The following MEGF6 variants were observed in gnomAD, a reference collection of about 807,000 sequenced individuals.
MEGF6 encodes multiple EGF like domains 6, also known as multiple epidermal growth factor-like domains protein 6.
A neutral mutation model predicts 207.1 loss-of-function variants in MEGF6; 184 were observed. The observed-to-expected ratio is 0.89, with a 90% CI of 0.79 to 1.00. The LOEUF (loss-of-function observed/expected upper bound fraction) is 1.00. MEGF6 is among the 50% of genes least tolerant of loss of function. The probability of loss-of-function intolerance (pLI) is 0.00; values close to 1 mark genes in which losing one functional copy is unlikely to be tolerated. For missense variants in MEGF6, 2,282 were observed against 2,202.9 expected (o/e 1.04, Z -0.72); for synonymous variants, 1,038 against 910.0 (o/e 1.14, Z -2.53).
chr1:3,499,916 G>A lies in MEGF6; in HGVS notation c.2716C>T (p.Gln906Ter). The change falls in exon 22 of 37, where the codon CAG (glutamine) becomes TAG (stop). Residue 906 changes from glutamine (Q) to a stop codon, truncating the protein, a stop_gained. Coordinates refer to ENST00000356575, the MANE Select transcript of MEGF6 (RefSeq NM_001409.4). LOFTEE classifies it high-confidence loss of function. ...VGPRCEQQCPQGHFGPGCEQR... is the reference protein window; with the variant it reads ...VGPRCEQQCP ...TCACAGCCGGGCCCAAAGTGGCCCT[G>A]GGGACACTCTGAGATATGCAGCCCC... 1 of 1,562,350 alleles carries A rather than the reference G, an allele frequency of 6.4e-7. No individual in the cohort carries two copies. Among genetic ancestry groups the A allele is most frequent in the Non-Finnish European group, 8.7e-7 (1 of 1,154,380 alleles).
At chr1:3,613,239 A>AG (rs1266935484), upstream of MEGF6, among the ~76,000 whole-genome samples, 1 of 151,994 alleles carries the variant, frequency 6.6e-6, no homozygotes, top group Non-Finnish European at 1.5e-5. Flanking sequence ...TCTCGGCTGC[A>AG]GGGGCTGCCC....
chr1:3,579,936 A>T lies in MEGF6; in HGVS notation c.377-7T>A. ...AGGCTGGCGCTGCATTCAGCTGCGG[A>T]GGGAAGGAGAAAATCGGTGAGAGGG... On this transcript the variant is annotated splice_region_variant and splice_polypyrimidine_tract_variant and intron_variant, in intron 3 of 36. Coordinates refer to ENST00000356575, the MANE Select transcript of MEGF6 (RefSeq NM_001409.4). 6.6e-7 allele frequency: 1 copy of T among 1,511,304 alleles called. No homozygotes were observed. The highest frequency in any genetic ancestry group is 8.8e-7 in the Non-Finnish European group (1 of 1,136,236). The allele number at this position is 1,511,304 out of a possible 1,614,324, so 93.6% of individuals were successfully genotyped here. A position where few individuals can be genotyped will look rare whatever the true frequency, so the allele number is the denominator to read the frequency against.
At position 3,566,299 on chromosome 1, in the gene MEGF6, A is replaced by G. The variant is rs144576249; in HGVS notation, c.481+13526T>C. Among the ~76,000 whole-genome samples the G allele has an allele frequency of 4.2e-3, 642 of 152,328 alleles. 3 individuals are homozygous for G. The highest frequency in any genetic ancestry group is 0.014 in the African/African-American group (586 of 41,578). On this transcript the variant is annotated intron_variant, in intron 4 of 36. Coordinates refer to ENST00000356575, the MANE Select transcript of MEGF6 (RefSeq NM_001409.4). ...CGCAGCCCCTCGCTTGCAGAGCCTCATTCATTACTCCATGGGAAGGGGGGC... is the reference window on the plus strand; with the variant it reads ...CGCAGCCCCTCGCTTGCAGAGCCTCGTTCATTACTCCATGGGAAGGGGGGC...
intron 4 of MEGF6, among the ~76,000 whole-genome samples, chr1:3,524,943 C>T (rs1641904683): frequency 6.6e-6 from 1 of 152,172 alleles, no homozygotes; most frequent in South Asian, 2.1e-4. Flanking sequence ...AAGGAAGAGG[C>T]CAGGAAGGTC....
At chr1:3,554,328 A>T (rs1340077593) in intron 4 of MEGF6, among the ~76,000 whole-genome samples, 1 of 151,752 alleles carries the variant, frequency 6.6e-6, no homozygotes, top group East Asian at 1.9e-4. Flanking sequence ...TGGCAGGAAC[A>T]CTGGAAAAGC....
chr1:3,531,038 C>T (rs907665710), intron 4 of MEGF6: 7 of 1,454,952 alleles, frequency 4.8e-6, no homozygotes, highest in Non-Finnish European at 5.4e-6. Context: ...CCGGGGAGCG[C>T]CCTGGCCCCG....
At chr1:3,613,537 G>A (rs926432591), upstream of MEGF6, among the ~76,000 whole-genome samples, 7 of 152,162 alleles carry the variant, frequency 4.6e-5, no homozygotes, top group South Asian at 8.3e-4. Flanking sequence ...AATTCCAGCC[G>A]GCCCTGGGAC....
chr1:3,546,339 G>T (rs1346497509), intron 4 of MEGF6, among the ~76,000 whole-genome samples: 1 of 152,234 alleles, frequency 6.6e-6, no homozygotes, highest in Non-Finnish European at 1.5e-5. Context: ...CTAGCCCCAG[G>T]TCTTGCCTGA....
intron 2 of MEGF6, among the ~76,000 whole-genome samples, chr1:3,599,092 C>T (rs1644119438): frequency 1.3e-5 from 2 of 152,226 alleles, no homozygotes; most frequent in Non-Finnish European, 2.9e-5. Flanking sequence ...AGAAGCCAGA[C>T]GAGGGGCTGA....
chr1:3,572,627 G>T (rs1643535858), intron 4 of MEGF6, among the ~76,000 whole-genome samples: 1 of 149,858 alleles, frequency 6.7e-6, no homozygotes, highest in African/African-American at 2.5e-5. Flanking sequence ...GGGTGTGCTG[G>T]GTCCTTCCTG....
chr1:3,569,670 G>A (rs1422473772), intron 4 of MEGF6, among the ~76,000 whole-genome samples: 2 of 152,230 alleles, frequency 1.3e-5, no homozygotes, highest in African/African-American at 4.8e-5. Context: ...GTCGTCCTCT[G>A]AACAGTGTTG....
In MEGF6 at chr1:3,494,710, G is replaced by A. The variant is rs527848350; in HGVS notation, c.3903C>T (p.Cys1301=). 55 of 1,587,858 alleles carry A rather than the reference G, an allele frequency of 3.5e-5. No individual in the cohort carries two copies. The East Asian group carries it at 6.2e-4, about 18-fold the overall frequency. The change falls in exon 31 of 37, where the codon TGC becomes TGT. Residue 1301 remains cysteine, a synonymous_variant. Transcript: ENST00000356575. ...CATTTCTGCAGGAGCAGGTGTGCTCGCAGCCCACGCCAAACCGGTTCTGGG... is the reference window on the plus strand; with the variant it reads ...CATTTCTGCAGGAGCAGGTGTGCTCACAGCCCACGCCAAACCGGTTCTGGG... ...GCPQNRFGVG[C]EHTCSCRNGG...
intron 1 of MEGF6, among the ~76,000 whole-genome samples, chr1:3,603,665 G>A (rs1015765770): frequency 1.3e-5 from 2 of 151,948 alleles, no homozygotes; most frequent in East Asian, 3.9e-4. Context: ...AGGTGGCATG[G>A]GTTCCCCCAG....
intron 4 of MEGF6, among the ~76,000 whole-genome samples, chr1:3,546,024 A>G (rs980097478): frequency 1.3e-5 from 2 of 152,154 alleles, no homozygotes; most frequent in African/African-American, 2.4e-5. Flanking sequence ...AGATGATGAC[A>G]GTAAGTGTCT....
chr1:3,520,944 G>A (rs750800284), intron 5 of MEGF6, among the ~76,000 whole-genome samples: 2 of 152,160 alleles, frequency 1.3e-5, no homozygotes, highest in Non-Finnish European at 2.9e-5. Context: ...AGCCCCCTGA[G>A]AGCTCTGGCC....
chr1:3,490,761 G>T, intron 36 of MEGF6, 151 bp downstream of exon 36: 1 of 1,208,018 alleles, frequency 8.3e-7, no homozygotes, highest in Non-Finnish European at 1.2e-6. Context: ...TCTGGCCCCA[G>T]CCTTGGTCTC....
At chr1:3,509,051 C>G (rs763639580) in intron 12 of MEGF6, 24 bp downstream of exon 12, 2 of 1,522,672 alleles carry the variant, frequency 1.3e-6, no homozygotes, top group African/African-American at 2.8e-5. Flanking sequence ...AGCAGGAGCC[C>G]CCGGGGGCTG....
chr1:3,493,492 A>C lies in MEGF6; in HGVS notation c.4387+279T>G, dbSNP rs558900930. The C allele has an allele frequency of 2.3e-5, 12 of 517,292 alleles. No homozygotes were observed. The East Asian group carries it at 4.0e-4, about 17-fold the overall frequency. 32.0% of individuals were successfully genotyped at this position (517,292 alleles called of 1,614,324 possible). A position where few individuals can be genotyped will look rare whatever the true frequency, so the allele number is the denominator to read the frequency against. ...GCTGGCAGATCAGGGAAGTCTTTCC[A>C]CCCAACCAGAGCCCCCTCCCATGAC... On this transcript the variant is annotated intron_variant, in intron 34 of 36. Coordinates refer to ENST00000356575, the MANE Select transcript of MEGF6 (RefSeq NM_001409.4).
intron 4 of MEGF6, among the ~76,000 whole-genome samples, chr1:3,539,946 G>A (rs1165342389): frequency 1.3e-5 from 2 of 152,128 alleles, no homozygotes; most frequent in African/African-American, 2.4e-5. Context: ...CCCCGGGGTC[G>A]CACCTGTCCA....
Sources: gnomAD v4.1 joint callset for allele counts (sites outside exome capture counted in the v4.1 genomes callset) on GRCh38, gnomAD v4.1.1 for gene constraint, MANE v1.5 for transcripts, NCBI Gene and HGNC (gene_info 2026-07-23, HGNC 2026-07-21) for gene names.